Variants in DPP6 observed in about 807,000 individuals in gnomAD.
DPP6 encodes A-type potassium channel modulatory protein DPP6.
A neutral mutation model predicts 122.6 loss-of-function variants in DPP6; 69 were observed. The observed-to-expected ratio is 0.56, with a 90% confidence interval of 0.46 to 0.69. The LOEUF (loss-of-function observed/expected upper bound fraction) is 0.69. DPP6 is among the 30% of genes least tolerant of loss of function. The pLI is 0.00. For missense variants in DPP6, 928 were observed against 1,116.9 expected, an observed-to-expected ratio of 0.83 and a Z score of 2.41; for synonymous variants, 418 against 433.1, an observed-to-expected ratio of 0.97 and a Z score of 0.43.
At chr7:154,454,435 T>C (rs139574984) in intron 2 of DPP6, among the ~76,000 whole-genome samples, 316 of 152,280 alleles carry the variant, frequency 2.1e-3, no homozygotes, top group Non-Finnish European at 2.9e-3. Flanking sequence ...GTCCAAAACA[T>C]GGGAGAGGCC....
intron 1 of DPP6, among the ~76,000 whole-genome samples, chr7:153,927,037 G>A (rs1800934026): frequency 6.6e-6 from 1 of 150,982 alleles, no homozygotes; most frequent in African/African-American, 2.4e-5. Flanking sequence ...GTAATAATTG[G>A]CTGGGCATGG....
intron 2 of DPP6, among the ~76,000 whole-genome samples, chr7:154,470,566 T>G (rs9640200): frequency 0.67 from 102,523 of 152,034 alleles, 35,100 homozygotes; most frequent in East Asian, 0.94. Flanking sequence ...GAGTTCCAAA[T>G]GGTTCTCCAG....
At chr7:154,726,218 A>G (rs1402642316) in intron 7 of DPP6, among the ~76,000 whole-genome samples, 2 of 152,194 alleles carry the variant, frequency 1.3e-5, no homozygotes, top group Non-Finnish European at 2.9e-5. Context: ...TCCACTAGGC[A>G]GTGCCCCAGT....
At chr7:154,139,067 A>G (rs1489724634) in intron 1 of DPP6, among the ~76,000 whole-genome samples, 1 of 151,880 alleles carries the variant, frequency 6.6e-6, no homozygotes, top group Non-Finnish European at 1.5e-5. Flanking sequence ...GGAGGTGTAC[A>G]AGTCAGGGTT....
At chr7:153,980,725 C>T (rs1443745070) in intron 1 of DPP6, among the ~76,000 whole-genome samples, 5 of 152,054 alleles carry the variant, frequency 3.3e-5, no homozygotes, top group Non-Finnish European at 5.9e-5. Flanking sequence ...TAGCTTTGTC[C>T]CAGGGATTCT....
the DPP6 span, among the ~76,000 whole-genome samples, chr7:153,817,641 C>A: frequency 6.6e-6 from 1 of 151,262 alleles, no homozygotes; most frequent in Non-Finnish European, 1.5e-5. Context: ...AGCTGGAAAC[C>A]ATTATTCTGA....
At chr7:154,578,303 G>A (rs1187493290) in intron 5 of DPP6, among the ~76,000 whole-genome samples, 4 of 152,132 alleles carry the variant, frequency 2.6e-5, no homozygotes, top group Non-Finnish European at 4.4e-5. Flanking sequence ...GCCTGGCGAC[G>A]CTCTCCATGC....
intron 1 of DPP6, among the ~76,000 whole-genome samples, chr7:154,063,371 C>T (rs1431538333): frequency 2.2e-5 from 3 of 133,856 alleles, no homozygotes; most frequent in Non-Finnish European, 3.3e-5. Flanking sequence ...GGGTGTGGCA[C>T]CCCCCACGAG....
At chr7:153,953,748 G>A (rs1357929793) in intron 1 of DPP6, among the ~76,000 whole-genome samples, 2 of 152,182 alleles carry the variant, frequency 1.3e-5, no homozygotes, top group Admixed American at 6.5e-5. Context: ...ATGCATGTGT[G>A]TGTATATGTG....
At chr7:153,903,375 A>C (rs551790596) in intron 1 of DPP6, among the ~76,000 whole-genome samples, 2 of 152,304 alleles carry the variant, frequency 1.3e-5, no homozygotes, top group South Asian at 4.1e-4. Flanking sequence ...TAGCAATGAG[A>C]TCAGCACTTT....
intron 1 of DPP6, among the ~76,000 whole-genome samples, chr7:154,224,201 A>G (rs752177476): frequency 2.7e-5 from 4 of 148,736 alleles, no homozygotes; most frequent in Non-Finnish European, 5.9e-5. Context: ...GTTAAGAGAT[A>G]CTATGATGTA....
rs866657294 is a variant in DPP6, at chr7:154,089,811, G to A, written c.243+36748G>A. On this transcript the variant is annotated intron_variant, in intron 1 of 25. Transcript: ENST00000377770. ...TTTTTAAATAAATTAGTTACAGAGC[G>A]AGACTTTAATCATTATCAGTAGCAG... 3.4e-4 allele frequency among the ~76,000 whole-genome samples: 51 copies of A among 151,876 alleles called. 1 individual carries two copies. The highest frequency in any genetic ancestry group is 1.1e-3 in the African/African-American group (46 of 41,466).
intron 1 of DPP6, among the ~76,000 whole-genome samples, chr7:154,420,034 C>T (rs1267310467): frequency 3.9e-5 from 6 of 152,130 alleles, no homozygotes; most frequent in African/African-American, 1.4e-4. Flanking sequence ...GAATATTATT[C>T]AGCCTTACAA....
At chr7:154,174,721 G>T (rs951114224) in intron 1 of DPP6, among the ~76,000 whole-genome samples, 2 of 152,024 alleles carry the variant, frequency 1.3e-5, no homozygotes, top group African/African-American at 4.8e-5. Context: ...TATTTTTCAG[G>T]AGACATCGAG....
intron 1 of DPP6, among the ~76,000 whole-genome samples, chr7:154,062,133 A>T (rs1440983970): frequency 1.0e-5 from 1 of 99,562 alleles, no homozygotes; most frequent in Non-Finnish European, 2.2e-5. Context: ...GGGGACTGAG[A>T]GCCAGACCCT....
At chr7:154,689,499 T>C (rs1839817708) in intron 7 of DPP6, among the ~76,000 whole-genome samples, 1 of 152,220 alleles carries the variant, frequency 6.6e-6, no homozygotes, top group Non-Finnish European at 1.5e-5. Context: ...ACCAGCCTTA[T>C]GTGACTAGGA....
At chr7:153,923,987 G>C (rs1236791563) in intron 1 of DPP6, among the ~76,000 whole-genome samples, 1 of 152,078 alleles carries the variant, frequency 6.6e-6, no homozygotes, top group Non-Finnish European at 1.5e-5. Context: ...CTCAAGAACT[G>C]CTTTTCAAAT....
intron 1 of DPP6, among the ~76,000 whole-genome samples, chr7:154,337,598 A>G (rs879906848): frequency 1.3e-5 from 2 of 152,184 alleles, no homozygotes; most frequent in Non-Finnish European, 2.9e-5. Context: ...AAGAGCTCAG[A>G]GATGTCCTCT....
intron 1 of DPP6, among the ~76,000 whole-genome samples, chr7:154,307,182 T>C (rs1806424084): frequency 6.6e-6 from 1 of 152,196 alleles, no homozygotes; most frequent in South Asian, 2.1e-4. Flanking sequence ...TTTGCTCTTA[T>C]TTTGCCTGAT....
Sources: gnomAD v4.1 joint callset for allele counts (sites outside exome capture counted in the v4.1 genomes callset) on GRCh38, gnomAD v4.1.1 for gene constraint, MANE v1.5 for transcripts, NCBI Gene and HGNC (gene_info 2026-07-23, HGNC 2026-07-21) for gene names.